APBB2: variants seen among roughly 807,000 people sequenced by gnomAD.
APBB2 encodes Fe65-like 1.
Under a neutral mutation model 82.5 loss-of-function variants are expected in APBB2, and 38 were observed. That is an observed-to-expected ratio of 0.46 (90% CI 0.36 to 0.60). The LOEUF is 0.60. Among genes scored for constraint, APBB2 ranks in the 20% least tolerant of loss-of-function variants. The pLI is 0.00. For synonymous variants in APBB2, 341 were observed against 368.2 expected, an observed-to-expected ratio of 0.93 and a Z score of 0.85; for missense variants, 772 against 972.3, an observed-to-expected ratio of 0.79 and a Z score of 2.74.
intron 2 of APBB2, among the ~76,000 whole-genome samples, chr4:41,117,028 T>C (rs996921976): frequency 6.6e-6 from 1 of 152,146 alleles, no homozygotes; most frequent in African/African-American, 2.4e-5. Flanking sequence ...ACCCATTCTT[T>C]TGGGTCCATC....
At chr4:41,144,263 T>G (rs534050859) in intron 1 of APBB2, among the ~76,000 whole-genome samples, 11 of 152,298 alleles carry the variant, frequency 7.2e-5, no homozygotes, top group African/African-American at 2.4e-4. Context: ...AATCTCTACC[T>G]TCAGTTGAAA....
intron 6 of APBB2, among the ~76,000 whole-genome samples, chr4:40,979,904 C>T (rs1048469346): frequency 6.6e-6 from 1 of 152,176 alleles, no homozygotes; most frequent in Admixed American, 6.5e-5. Flanking sequence ...AAGCTATGGA[C>T]GTTGTTTTAA....
chr4:40,930,470 C>T (rs962165965), intron 10 of APBB2, among the ~76,000 whole-genome samples: 2 of 140,198 alleles, frequency 1.4e-5, no homozygotes, highest in East Asian at 2.0e-4. Flanking sequence ...CGCGCGCGTG[C>T]GCGTGCGCGT....
intron 1 of APBB2, among the ~76,000 whole-genome samples, chr4:41,172,407 A>G (rs1251838392): frequency 2.0e-5 from 3 of 152,136 alleles, no homozygotes; most frequent in African/African-American, 7.2e-5. Context: ...AATATCACTT[A>G]GCTGGAAAGG....
At chr4:40,954,362 G>A (rs747675667) in intron 6 of APBB2, among the ~76,000 whole-genome samples, 12 of 152,150 alleles carry the variant, frequency 7.9e-5, no homozygotes, top group Non-Finnish European at 1.6e-4. Context: ...CAGGGCTTTG[G>A]GTGTGAAAGG....
chr4:40,816,342 T>C, intron 17 of APBB2, 83 bp from the exon 18 acceptor site: 1 of 1,448,364 alleles, frequency 6.9e-7, no homozygotes, highest in South Asian at 1.2e-5. Flanking sequence ...TGACCCATAA[T>C]ACATTGACTC....
At chr4:41,066,717 C>T (rs1456030463) in intron 3 of APBB2, among the ~76,000 whole-genome samples, 5 of 152,196 alleles carry the variant, frequency 3.3e-5, no homozygotes, top group African/African-American at 4.8e-5. Flanking sequence ...GAGTTGCTGG[C>T]CACTCTCTAG....
chr4:40,930,448 TGCGCGCGCGCGCGCGC>T lies in APBB2; in HGVS notation c.1254+3992_1254+4007del, dbSNP rs1174752964. ...GTGTGTGTGTGTGTGTGTGTGTGTG[TGCGCGCGCGCGCGCGC>T]GCGTGCGCGTGCGCGTATGCGTGTG... On this transcript the variant is annotated intron_variant, in intron 10 of 17. Coordinates refer to ENST00000508593, the MANE Select transcript of APBB2 (RefSeq NM_004307.2). 1.7e-4 allele frequency among the ~76,000 whole-genome samples: 11 copies of T among 66,552 alleles called. No homozygotes were observed. The East Asian group carries it at 2.3e-3, about 14-fold the overall frequency. 43.7% of individuals were successfully genotyped at this position (66,552 alleles called of 152,430 possible).
chr4:41,005,152 G>A (rs1332647203), intron 6 of APBB2, among the ~76,000 whole-genome samples: 2 of 151,688 alleles, frequency 1.3e-5, no homozygotes, highest in African/African-American at 2.4e-5. Context: ...AATGCAGTGG[G>A]CCAATCTCAG....
intron 12 of APBB2, among the ~76,000 whole-genome samples, chr4:40,856,330 A>G (rs1761172224): frequency 6.6e-6 from 1 of 152,234 alleles, no homozygotes; most frequent in Admixed American, 6.5e-5. Context: ...AAAGGCACAG[A>G]TTCCCCCACA....
intron 1 of APBB2, among the ~76,000 whole-genome samples, chr4:41,196,971 T>C: frequency 3.3e-5 from 5 of 152,072 alleles, no homozygotes. Context: ...TTAAATTGTA[T>C]TAGTTCTGAA....
chr4:40,996,518 ATCTT>A (rs1803683082), intron 6 of APBB2, among the ~76,000 whole-genome samples: 1 of 152,218 alleles, frequency 6.6e-6, no homozygotes, highest in South Asian at 2.1e-4. Flanking sequence ...CGACAACTCT[ATCTT>A]GAGGATGTCA....
At chr4:41,022,309 G>C (rs1036747119) in intron 5 of APBB2, among the ~76,000 whole-genome samples, 2 of 152,176 alleles carry the variant, frequency 1.3e-5, no homozygotes, top group African/African-American at 4.8e-5. Context: ...AAATGTTCTT[G>C]CGGTGATTCT....
intron 7 of APBB2, 198 bp from the exon 8 acceptor site, chr4:40,935,337 G>T: frequency 1.9e-6 from 1 of 521,798 alleles, no homozygotes; most frequent in South Asian, 3.1e-5. Flanking sequence ...GAGGGCAGGA[G>T]AGTGATGGTG....
At chr4:41,063,723 C>T (rs751084293) in intron 4 of APBB2, among the ~76,000 whole-genome samples, 1 of 152,112 alleles carries the variant, frequency 6.6e-6, no homozygotes, top group Non-Finnish European at 1.5e-5. Flanking sequence ...CTGTCACCCA[C>T]GCCGGAATGC....
chr4:41,175,285 G>T (rs1769439470), intron 1 of APBB2, among the ~76,000 whole-genome samples: 1 of 152,088 alleles, frequency 6.6e-6, no homozygotes, highest in Admixed American at 6.6e-5. Flanking sequence ...ATTAACAAGA[G>T]TAACAGTAAT....
chr4:40,971,892 T>C (rs1463503701), intron 6 of APBB2, among the ~76,000 whole-genome samples: 1 of 152,200 alleles, frequency 6.6e-6, no homozygotes, highest in Non-Finnish European at 1.5e-5. Context: ...TAGTGCATAA[T>C]GAATCCTTTC....
intron 10 of APBB2, among the ~76,000 whole-genome samples, chr4:40,916,784 TG>T (rs1207180139): frequency 6.6e-6 from 1 of 152,138 alleles, no homozygotes. Context: ...TGCGAGGCAA[TG>T]GATTCCCAAA....
chr4:41,080,234 G>C (rs1414880230), intron 3 of APBB2, among the ~76,000 whole-genome samples: 1 of 152,188 alleles, frequency 6.6e-6, no homozygotes, highest in Admixed American at 6.5e-5. Context: ...AGCACATTTA[G>C]TTCCCAGTCT....
Sources: gnomAD v4.1 joint callset for allele counts (sites outside exome capture counted in the v4.1 genomes callset) on GRCh38, gnomAD v4.1.1 for gene constraint, MANE v1.5 for transcripts, NCBI Gene and HGNC (gene_info 2026-07-23, HGNC 2026-07-21) for gene names.